Variants in NRIP1 observed in about 807,000 individuals in gnomAD.
The protein encoded by NRIP1 is nuclear receptor interacting protein 1, also known as nuclear receptor-interacting protein 1.
NRIP1 carries 28 observed loss-of-function variants against 75.0 expected under a neutral mutation model. The observed-to-expected ratio is 0.37, with a 90% CI of 0.28 to 0.51. The LOEUF (loss-of-function observed/expected upper bound fraction) is 0.51. Ranked by LOEUF, NRIP1 falls within the 20% of genes least tolerant of loss-of-function variation. The probability of loss-of-function intolerance (pLI) is 0.92; values close to 1 mark genes in which losing one functional copy is unlikely to be tolerated. For synonymous variants in NRIP1, 526 were observed against 487.6 expected (o/e 1.08, Z -1.04); for missense variants, 1,435 against 1,343.7 (o/e 1.07, Z -1.06).
chr21:15,015,505 G>A (rs1369624963), intron 2 of NRIP1, among the ~76,000 whole-genome samples: 2 of 152,010 alleles, frequency 1.3e-5, no homozygotes, highest in Non-Finnish European at 2.9e-5. Flanking sequence ...TGGAGGATAG[G>A]TGTAAATATT....
rs1439820438 is a variant in NRIP1 at position 14,967,255 on chromosome 21, C to T, written c.938G>A (p.Gly313Asp). 6.2e-7 allele frequency: 1 copy of T among 1,613,822 alleles called. No individual in the cohort carries two copies. The highest frequency in any genetic ancestry group is 8.5e-7 in the Non-Finnish European group (1 of 1,179,980). ...RLQENGQKDV[G>D]SYQLPKGMSS... Reference sequence around the variant, plus strand: ...CATTCCTTTTGGGAGCTGGTAACTGCCAACATCCTTCTGGCCATTTTCTTG... The same window carrying T: ...CATTCCTTTTGGGAGCTGGTAACTGTCAACATCCTTCTGGCCATTTTCTTG... Residue 313 changes from glycine (G) to aspartate (D), a missense_variant, in exon 4 of 4, where the codon GGC becomes GAC. Coordinates refer to ENST00000318948, the MANE Select transcript of NRIP1 (RefSeq NM_003489.4).
Position 14,964,992 on chromosome 21 carries a change from T to C in NRIP1, c.3201A>G (p.Ile1067Met), listed in dbSNP as rs1457868099. ...DSPRLTKTNP[I>M]LYYMLQKGGN... ...CTCCTTTTTGAAGCATGTAATATAG[T>C]ATTGGGTTGGTTTTGGTCAATCTTG... The change falls in exon 4 of 4, where the codon ATA (isoleucine) becomes ATG (methionine). Residue 1067 changes from isoleucine to methionine, a missense_variant. Ile to Met is a conservative substitution (Grantham distance 10). Coordinates refer to ENST00000318948, the MANE Select transcript of NRIP1 (RefSeq NM_003489.4). 1 of 1,614,016 alleles carries C rather than the reference T, an allele frequency of 6.2e-7. No individual in the cohort carries two copies. The highest frequency in any genetic ancestry group is 2.2e-5 in the East Asian group (1 of 44,884).
intron 1 of NRIP1, chr21:15,051,232 T>G (rs2089195825): frequency 4.1e-6 from 1 of 245,314 alleles, no homozygotes; most frequent in African/African-American, 2.3e-5. Flanking sequence ...GGTCTCCTTT[T>G]CACATGCACC....
chr21:14,997,635 C>T (rs2087762002), intron 3 of NRIP1, among the ~76,000 whole-genome samples: 1 of 151,206 alleles, frequency 6.6e-6, no homozygotes, highest in African/African-American at 2.4e-5. Flanking sequence ...TACACGTAGA[C>T]ACACAAACCC....
At position 14,979,503 on chromosome 21, in the gene NRIP1, T is replaced by G. The variant is rs968282419; in HGVS notation, c.-334-10977A>C. 3.3e-5 allele frequency among the ~76,000 whole-genome samples: 5 copies of G among 152,222 alleles called. No homozygotes were observed. In the South Asian group the frequency reaches 6.2e-4, roughly 19 times the overall value. Reference sequence around the variant, plus strand: ...AGAACTGATGTAACCAGCTGGCTTTTGATCAAAGCTCCTAGGGTTTTTAGT... The same window carrying G: ...AGAACTGATGTAACCAGCTGGCTTTGGATCAAAGCTCCTAGGGTTTTTAGT... On this transcript the variant is annotated intron_variant, in intron 3 of 3. Coordinates refer to ENST00000318948, the MANE Select transcript of NRIP1 (RefSeq NM_003489.4).
chr21:15,065,796 G>A (rs1461028166), upstream of NRIP1: 1 of 152,430 alleles, frequency 6.6e-6, no homozygotes, highest in African/African-American at 2.4e-5. Context: ...CGGCTGCTTT[G>A]TCACTGCGAA....
In NRIP1 at chr21:14,964,711, A is replaced by G. The variant is rs2086673902; in HGVS notation, c.*5T>C. 3.9e-6 allele frequency: 6 copies of G among 1,523,002 alleles called. No individual in the cohort carries two copies. The highest frequency in any genetic ancestry group is 4.4e-6 in the Non-Finnish European group (5 of 1,139,272). 94.3% of individuals were successfully genotyped at this position (1,523,002 alleles called of 1,614,324 possible). A position where few individuals can be genotyped will look rare whatever the true frequency, so the allele number is the denominator to read the frequency against. On this transcript the variant is annotated 3_prime_UTR_variant, in exon 4 of 4. Coordinates refer to ENST00000318948, the MANE Select transcript of NRIP1 (RefSeq NM_003489.4). ...AAAGATCCAAAACTGGATGGCAGGTACATTTTATTCTGATTCTTTCTTTAT... is the reference window on the plus strand; with the variant it reads ...AAAGATCCAAAACTGGATGGCAGGTGCATTTTATTCTGATTCTTTCTTTAT...
intron 2 of NRIP1, among the ~76,000 whole-genome samples, chr21:15,020,211 A>G (rs1225106661): frequency 6.6e-6 from 1 of 152,190 alleles, no homozygotes; most frequent in Non-Finnish European, 1.5e-5. Context: ...ACATACTATA[A>G]ATCTATATGG....
At chr21:15,058,815 A>G (rs1008791053) in intron 1 of NRIP1, among the ~76,000 whole-genome samples, 3 of 152,214 alleles carry the variant, frequency 2.0e-5, no homozygotes, top group Non-Finnish European at 2.9e-5. Flanking sequence ...ACTATAAGGA[A>G]AGCCATCTTA....
chr21:15,011,001 T>G (rs1386783475), intron 3 of NRIP1, among the ~76,000 whole-genome samples: 1 of 152,222 alleles, frequency 6.6e-6, no homozygotes. Flanking sequence ...GATTATAAAT[T>G]GATCTTTCTT....
chr21:14,988,643 G>T (rs2087479678), intron 3 of NRIP1, among the ~76,000 whole-genome samples: 1 of 151,984 alleles, frequency 6.6e-6, no homozygotes. Flanking sequence ...AAAGCAAAAA[G>T]TAATTTCATA....
Position 14,964,659 on chromosome 21 carries a change from T to C in NRIP1, c.*57A>G, listed in dbSNP as rs199781803. ...CAAATCATGCTCTTATTTATACAGA[T>C]CTCAAGTTCATACTCATTAGTTTTA... On this transcript the variant is annotated 3_prime_UTR_variant, in exon 4 of 4. Transcript: ENST00000318948. 3.1e-6 allele frequency: 4 copies of C among 1,274,680 alleles called. No homozygotes were observed. Among genetic ancestry groups the C allele is most frequent in the Non-Finnish European group, 4.3e-6 (4 of 926,214 alleles). 79.0% of individuals were successfully genotyped at this position (1,274,680 alleles called of 1,614,324 possible). A position where few individuals can be genotyped will look rare whatever the true frequency, so the allele number is the denominator to read the frequency against.
At chr21:15,006,645 T>C (rs1387221219) in intron 3 of NRIP1, among the ~76,000 whole-genome samples, 1 of 152,210 alleles carries the variant, frequency 6.6e-6, no homozygotes, top group Non-Finnish European at 1.5e-5. Flanking sequence ...TTGCAAATTA[T>C]TCCCTTTTAA....
chr21:14,994,119 T>A (rs1193214557), intron 3 of NRIP1, among the ~76,000 whole-genome samples: 1 of 152,066 alleles, frequency 6.6e-6, no homozygotes, highest in African/African-American at 2.4e-5. Context: ...ATTGCAAGAT[T>A]TTTTTGGGGG....
intron 3 of NRIP1, among the ~76,000 whole-genome samples, chr21:14,981,009 G>C (rs1046733752): frequency 1.3e-5 from 2 of 152,286 alleles, no homozygotes; most frequent in Non-Finnish European, 2.9e-5. Context: ...CAGTCAAGCT[G>C]TGGAAGAGAA....
intron 3 of NRIP1, among the ~76,000 whole-genome samples, chr21:14,981,937 C>T (rs9983502): frequency 0.016 from 2,418 of 151,266 alleles, 67 homozygotes; most frequent in African/African-American, 0.054. Context: ...GCACAACCTC[C>T]GACTCCCCAG....
chr21:14,966,046 A>G lies in NRIP1; in HGVS notation c.2147T>C (p.Leu716Pro). The change falls in exon 4 of 4, where the codon CTC becomes CCC. Residue 716 changes from leucine (L) to proline (P), a missense_variant. Leu to Pro is a moderately conservative substitution (Grantham distance 98, BLOSUM62 -3). Transcript: ENST00000318948. ...LLERRTVLQLLLGNPNKGKSE... is the reference protein window; with the variant it reads ...LLERRTVLQLPLGNPNKGKSE... ...CTTCCCTTTGTTGGGGTTCCCCAGG[A>G]GCAACTGGAGGACAGTACGTCTTTC... The G allele has an allele frequency of 6.2e-7, 1 of 1,612,656 alleles. No homozygotes were observed. The highest frequency in any genetic ancestry group is 8.5e-7 in the Non-Finnish European group (1 of 1,179,830).
intron 2 of NRIP1, among the ~76,000 whole-genome samples, chr21:15,039,881 T>C (rs1047610984): frequency 6.6e-6 from 1 of 152,106 alleles, no homozygotes; most frequent in Non-Finnish European, 1.5e-5. Context: ...GCTAATTGAT[T>C]TATCTGATGT....
chr21:15,019,511 C>T (rs1185807195), intron 2 of NRIP1, among the ~76,000 whole-genome samples: 1 of 82,130 alleles, frequency 1.2e-5, no homozygotes, highest in African/African-American at 4.7e-5. Flanking sequence ...TTTTTTGAGA[C>T]ACAGTCTCAC....
Sources: gnomAD v4.1 joint callset for allele counts (sites outside exome capture counted in the v4.1 genomes callset) on GRCh38, gnomAD v4.1.1 for gene constraint, MANE v1.5 for transcripts, NCBI Gene and HGNC (gene_info 2026-07-23, HGNC 2026-07-21) for gene names.